The following SCAF11 variants were observed in gnomAD, a reference collection of about 807,000 sequenced individuals.
SCAF11 encodes protein SCAF11.
In SCAF11, 47 loss-of-function variants were observed where a neutral mutation model predicts 140.5. The ratio of observed to expected loss-of-function variants is 0.33; its 90% CI spans 0.26 to 0.43. SCAF11 has a LOEUF of 0.43. Among genes scored for constraint, SCAF11 ranks in the 20% least tolerant of loss-of-function variants. SCAF11 has a pLI of 1.00. For missense variants in SCAF11, 1,645 were observed against 1,705.1 expected (o/e 0.96, Z 0.62); for synonymous variants, 557 against 579.4 (o/e 0.96, Z 0.55).
In SCAF11 at chr12:45,920,025, T is replaced by G. The variant is rs1455565952; in HGVS notation, c.*2023A>C. The G allele has an allele frequency of 2.0e-5, 3 of 152,174 alleles. No individual in the cohort carries two copies. The highest frequency in any genetic ancestry group is 4.4e-5 in the Non-Finnish European group (3 of 68,026). 9.4% of individuals were successfully genotyped at this position (152,174 alleles called of 1,614,324 possible). On this transcript the variant is annotated 3_prime_UTR_variant, in exon 15 of 15. Transcript: ENST00000369367. ...TTCTAATCTAAAACAACTAAGGAGG[T>G]GTGCCTTGATATTCTGAAACACTGT...
At position 45,990,335 on chromosome 12, in the gene SCAF11, G is replaced by A; in HGVS notation, c.-22+18C>T. The A allele has an allele frequency of 2.4e-6, 3 of 1,231,836 alleles. No individual in the cohort carries two copies. Among genetic ancestry groups the A allele is most frequent in the Non-Finnish European group, 3.0e-6 (3 of 988,144 alleles). 76.3% of individuals were successfully genotyped at this position (1,231,836 alleles called of 1,614,324 possible). The stretch of plus-strand genomic sequence containing the variant: ...AGCTGCCCAAGCCCATCCACCCCGC[G>A]GGTCGACCAGTGTTTACCTCAGACC... On this transcript the variant is annotated intron_variant, in intron 1 of 14. Coordinates refer to ENST00000369367, the MANE Select transcript of SCAF11 (RefSeq NM_004719.3).
chr12:45,939,774 T>C (rs1044610791), intron 6 of SCAF11, among the ~76,000 whole-genome samples: 1 of 152,208 alleles, frequency 6.6e-6, no homozygotes, highest in Non-Finnish European at 1.5e-5. Flanking sequence ...GCTTCTAAAA[T>C]CTAACCAATC....
chr12:45,935,423 C>G (rs913748081), intron 6 of SCAF11, among the ~76,000 whole-genome samples: 6 of 152,134 alleles, frequency 3.9e-5, no homozygotes, highest in African/African-American at 1.2e-4. Context: ...ACTGCCTTAC[C>G]CCTTTGAAAA....
At chr12:45,943,427 A>G (rs1411118772) in intron 6 of SCAF11, among the ~76,000 whole-genome samples, 1 of 152,186 alleles carries the variant, frequency 6.6e-6, no homozygotes, top group Non-Finnish European at 1.5e-5. Context: ...AGAAATTTTG[A>G]GAGAGCCCAC....
chr12:45,958,005 A>G (rs918772415), intron 3 of SCAF11, among the ~76,000 whole-genome samples: 1 of 151,060 alleles, frequency 6.6e-6, no homozygotes, highest in African/African-American at 2.4e-5. Flanking sequence ...TGATCCTCCA[A>G]CCTCCCCCCA....
In SCAF11 at chr12:45,926,265, A is replaced by C. The variant is rs1319364586; in HGVS notation, c.3436T>G (p.Ser1146Ala). 6.2e-7 allele frequency: 1 copy of C among 1,614,146 alleles called. No individual in the cohort carries two copies. Among genetic ancestry groups the C allele is most frequent in the South Asian group, 1.1e-5 (1 of 91,080 alleles). Residue 1146 changes from serine (S) to alanine (A), a missense_variant, in exon 11 of 15, where the codon TCC becomes GCC. Physicochemically the swap from Ser to Ala is moderately conservative, Grantham distance 99. Coordinates refer to ENST00000369367, the MANE Select transcript of SCAF11 (RefSeq NM_004719.3). ...PADRSGWTSASSWAVRKTLPA... is the reference protein window; with the variant it reads ...PADRSGWTSAASWAVRKTLPA... Reference sequence around the variant, plus strand: ...AAAGTCTTTCTCACGGCCCAGCTGGATGCAGATGTCCATCCAGATCTATCT... The same window carrying C: ...AAAGTCTTTCTCACGGCCCAGCTGGCTGCAGATGTCCATCCAGATCTATCT...
In SCAF11 at chr12:45,926,978, C is replaced by G. The variant is rs1944885154; in HGVS notation, c.2723G>C (p.Arg908Thr). Residue 908 changes from arginine to threonine, a missense_variant, in exon 11 of 15, where the codon AGG (arginine) becomes ACG (threonine). Physicochemically the swap from Arg to Thr is moderately conservative, Grantham distance 71 (BLOSUM62 -1). Coordinates refer to ENST00000369367, the MANE Select transcript of SCAF11 (RefSeq NM_004719.3). ...ACTTTCTCGTTCTCTGCTCTGGGAC[C>G]TGGATTTTTCTCCTGGGGAAGAATC... Reference protein sequence around the residue: ...VKDSSPGEKSRSQSRERESDR... With the variant: ...VKDSSPGEKSTSQSRERESDR... 1 of 1,612,874 alleles carries G rather than the reference C, an allele frequency of 6.2e-7. No individual in the cohort carries two copies. Among genetic ancestry groups the G allele is most frequent in the African/African-American group, 1.3e-5 (1 of 75,016 alleles).
chr12:45,980,670 G>A (rs774086445), intron 1 of SCAF11, among the ~76,000 whole-genome samples: 2 of 152,138 alleles, frequency 1.3e-5, no homozygotes, highest in Non-Finnish European at 2.9e-5. Flanking sequence ...TATCCTTACA[G>A]TATTTATGTA....
chr12:45,979,528 A>G (rs1946305154), intron 1 of SCAF11, among the ~76,000 whole-genome samples: 1 of 152,180 alleles, frequency 6.6e-6, no homozygotes, highest in Admixed American at 6.5e-5. Context: ...AAATGCTGAA[A>G]GTTACTCTTT....
Position 45,953,861 on chromosome 12 carries a change from G to A in SCAF11, c.220-2134C>T, listed in dbSNP as rs759473737. 13 of 1,006,700 alleles carry A rather than the reference G, an allele frequency of 1.3e-5. No homozygotes were observed. In the East Asian group the frequency reaches 3.6e-4, roughly 28 times the overall value. 62.4% of individuals were successfully genotyped at this position (1,006,700 alleles called of 1,614,324 possible). On this transcript the variant is annotated intron_variant, in intron 3 of 14. Transcript: ENST00000369367. ...TTTTTATGGGAATAAATAATTCCTA[G>A]AAGAAAGTGTGGCATATACTAAATA...
At chr12:45,985,405 T>C (rs2136672337) in intron 1 of SCAF11, among the ~76,000 whole-genome samples, 1 of 152,286 alleles carries the variant, frequency 6.6e-6, no homozygotes, top group African/African-American at 2.4e-5. Context: ...CCTTACCCCA[T>C]ACTTCTTAGA....
rs748042968 is a variant in SCAF11 at position 45,922,479 on chromosome 12, C to T, written c.4229G>A (p.Arg1410Gln). 4.4e-6 allele frequency: 7 copies of T among 1,601,438 alleles called. No homozygotes were observed. Among genetic ancestry groups the T allele is most frequent in the South Asian group, 1.1e-5 (1 of 87,662 alleles). ...ITKEEYKEIV[R>Q]KAVDKVCHSK... ...ATAACTTACTTTATCTACTGCTTTC[C>T]GTACAATTTCTTTATATTCTTCCTT... The change falls in exon 14 of 15, where the codon CGG becomes CAG. Residue 1410 changes from arginine (R) to glutamine (Q), a missense_variant. Transcript: ENST00000369367.
intron 1 of SCAF11, among the ~76,000 whole-genome samples, chr12:45,970,701 T>G (rs960391181): frequency 6.6e-6 from 1 of 152,236 alleles, no homozygotes; most frequent in Non-Finnish European, 1.5e-5. Flanking sequence ...GGACCTATGT[T>G]AAGAAAAGGA....
At chr12:45,950,681 C>A (rs1383431263) in intron 4 of SCAF11, among the ~76,000 whole-genome samples, 1 of 152,146 alleles carries the variant, frequency 6.6e-6, no homozygotes, top group East Asian at 1.9e-4. Flanking sequence ...TTACAACAAG[C>A]AAACCGTTTA....
Position 45,922,950 on chromosome 12 carries a change from A to C in SCAF11, c.4111T>G (p.Ser1371Ala). The C allele has an allele frequency of 1.2e-6, 2 of 1,614,150 alleles. No homozygotes were observed. The highest frequency in any genetic ancestry group is 1.6e-4 in the Middle Eastern group (1 of 6,062). ...CTTGAACTTGCCTTGTCTGTCTTCGAGCTATCTGCGCTGGCTTCCACTGCA... is the reference window on the plus strand; with the variant it reads ...CTTGAACTTGCCTTGTCTGTCTTCGCGCTATCTGCGCTGGCTTCCACTGCA... ...SVAVEASADS[S>A]KTDKKLQIQE... Residue 1371 changes from serine (S) to alanine (A), a missense_variant, in exon 13 of 15, where the codon TCG becomes GCG. By Grantham distance (99) the Ser-to-Ala change is moderately conservative. Around this residue, in one of 2 missense-constraint regions of SCAF11, gnomAD observed 1,582 missense variants for 1,609.2 expected, o/e 0.98. Transcript: ENST00000369367.
At chr12:45,933,545 T>C (rs1448384359) in intron 8 of SCAF11, among the ~76,000 whole-genome samples, 11 of 152,118 alleles carry the variant, frequency 7.2e-5, no homozygotes, top group Admixed American at 6.6e-4. Context: ...AGGAAGAAAT[T>C]CTAGGTGCAA....
At position 45,965,489 on chromosome 12, in the gene SCAF11, T is replaced by C. The variant is rs11574957; in HGVS notation, c.-21-1301A>G. 1.8e-3 allele frequency among the ~76,000 whole-genome samples: 280 copies of C among 152,240 alleles called. 1 individual carries two copies. The highest frequency in any genetic ancestry group is 6.2e-3 in the African/African-American group (256 of 41,528). ...GTAACATTTTATTTTAATCAACTTT[T>C]TTTCCTAAGAGATGGGGTCTTGCTG... On this transcript the variant is annotated intron_variant, in intron 1 of 14. Coordinates refer to ENST00000369367, the MANE Select transcript of SCAF11 (RefSeq NM_004719.3).
chr12:45,958,264 T>C (rs543895364), intron 3 of SCAF11, among the ~76,000 whole-genome samples: 15 of 152,308 alleles, frequency 9.8e-5, no homozygotes, highest in Middle Eastern at 3.4e-3. Context: ...ATCTTGTCTG[T>C]AGGAAATCAT....
Position 45,924,937 on chromosome 12 carries a change from C to G in SCAF11, c.3697G>C (p.Val1233Leu), listed in dbSNP as rs373694390. Residue 1233 changes from valine (V) to leucine (L), a missense_variant, in exon 12 of 15, where the codon GTG (valine) becomes CTG (leucine). By Grantham distance (32) the Val-to-Leu change is conservative (BLOSUM62 1). Transcript: ENST00000369367. ...TTCATCAAAGGAGCATGAACACCCACTGGATATGGGAAGATATTCATAGGC... is the reference window on the plus strand; with the variant it reads ...TTCATCAAAGGAGCATGAACACCCAGTGGATATGGGAAGATATTCATAGGC... ...HQPMNIFPYP[V>L]GVHAPLMNIQ... The G allele has an allele frequency of 2.5e-6, 4 of 1,614,136 alleles. No individual in the cohort carries two copies. The highest frequency in any genetic ancestry group is 2.7e-5 in the African/African-American group (2 of 75,028).
Sources: gnomAD v4.1 joint callset for allele counts (sites outside exome capture counted in the v4.1 genomes callset) on GRCh38, gnomAD v4.1.1 for gene constraint, gnomAD v4.1.1 regional missense constraint, MANE v1.5 for transcripts, NCBI Gene and HGNC (gene_info 2026-07-23, HGNC 2026-07-21) for gene names.